CNTNAP2: variants seen among roughly 807,000 people sequenced by gnomAD.
CNTNAP2 encodes contactin associated protein 2.
In CNTNAP2, 98 loss-of-function variants were observed where a neutral mutation model predicts 155.2. That is an observed-to-expected ratio of 0.63 (90% CI 0.54 to 0.75). The LOEUF is 0.75. Ranked by LOEUF, CNTNAP2 falls within the 30% of genes least tolerant of loss-of-function variation. The pLI is 0.00. For synonymous variants in CNTNAP2, 651 were observed against 631.2 expected, an observed-to-expected ratio of 1.03 and a Z score of -0.47; for missense variants, 1,727 against 1,688.1, an observed-to-expected ratio of 1.02 and a Z score of -0.40.
intron 21 of CNTNAP2, among the ~76,000 whole-genome samples, chr7:148,368,022 G>C (rs925432466): frequency 4.6e-5 from 7 of 152,160 alleles, no homozygotes; most frequent in South Asian, 4.1e-4. Flanking sequence ...ATTTCAGATA[G>C]AGCCCCTCAT....
At chr7:147,282,387 C>T (rs997623523) in intron 8 of CNTNAP2, among the ~76,000 whole-genome samples, 2 of 151,834 alleles carry the variant, frequency 1.3e-5, no homozygotes, top group Non-Finnish European at 2.9e-5. Flanking sequence ...CATTGTGAGC[C>T]ATGGTTTGGA....
intron 1 of CNTNAP2, among the ~76,000 whole-genome samples, chr7:146,708,742 T>C (rs1401340247): frequency 6.6e-6 from 1 of 151,524 alleles, no homozygotes; most frequent in African/African-American, 2.4e-5. Flanking sequence ...ACTACAAGTG[T>C]GCACCACCAC....
At chr7:147,486,954 T>G (rs1798520970) in intron 11 of CNTNAP2, among the ~76,000 whole-genome samples, 1 of 142,664 alleles carries the variant, frequency 7.0e-6, no homozygotes, top group South Asian at 2.4e-4. Context: ...AGATTCAACC[T>G]TCTCTCAATA....
intron 3 of CNTNAP2, among the ~76,000 whole-genome samples, chr7:146,858,077 G>A (rs1795027013): frequency 6.6e-6 from 1 of 152,174 alleles, no homozygotes; most frequent in Non-Finnish European, 1.5e-5. Flanking sequence ...GTAGGAAAAG[G>A]TGCTAAGGGC....
intron 10 of CNTNAP2, among the ~76,000 whole-genome samples, chr7:147,431,864 G>A (rs897528219): frequency 7.2e-5 from 11 of 152,214 alleles, no homozygotes; most frequent in Admixed American, 1.3e-4. Context: ...AGTTCCTGAA[G>A]GCTCTGCACT....
intron 1 of CNTNAP2, among the ~76,000 whole-genome samples, chr7:146,482,510 C>T (rs968688801): frequency 7.3e-5 from 11 of 151,666 alleles, no homozygotes; most frequent in South Asian, 2.1e-4. Context: ...TTTGGGAGGC[C>T]GAGGCTGGCG....
chr7:147,185,405 A>C (rs1207762600), intron 8 of CNTNAP2, among the ~76,000 whole-genome samples: 2 of 152,138 alleles, frequency 1.3e-5, no homozygotes, highest in Non-Finnish European at 2.9e-5. Flanking sequence ...TCTTGGATGG[A>C]GGCACAGAAA....
At chr7:146,916,739 G>C (rs941028705) in intron 3 of CNTNAP2, among the ~76,000 whole-genome samples, 5 of 151,942 alleles carry the variant, frequency 3.3e-5, no homozygotes, top group African/African-American at 1.2e-4. Flanking sequence ...TAATAGTCTA[G>C]AAATTTTATT....
intron 12 of CNTNAP2, among the ~76,000 whole-genome samples, chr7:147,579,373 C>T (rs1388218836): frequency 6.6e-6 from 1 of 152,070 alleles, no homozygotes; most frequent in Non-Finnish European, 1.5e-5. Context: ...GGCATAGGTA[C>T]ACAGTGACAA....
At chr7:146,753,064 C>T (rs560804870) in intron 1 of CNTNAP2, among the ~76,000 whole-genome samples, 180 of 152,172 alleles carry the variant, frequency 1.2e-3, no homozygotes, top group African/African-American at 4.0e-3. Flanking sequence ...ATTTTCTGAC[C>T]AAAGCTTCAT....
intron 8 of CNTNAP2, among the ~76,000 whole-genome samples, chr7:147,268,996 T>G (rs182423062): frequency 1.3e-5 from 2 of 152,276 alleles, no homozygotes; most frequent in East Asian, 3.9e-4. Flanking sequence ...CCTTGGATGC[T>G]CGAGTCTCTA....
intron 14 of CNTNAP2, among the ~76,000 whole-genome samples, chr7:147,907,818 G>A (rs117918814): frequency 0.033 from 5,039 of 152,088 alleles, 131 homozygotes; most frequent in Non-Finnish European, 0.053. Flanking sequence ...GAGTCACTCT[G>A]TCAACCAGGC....
At chr7:146,230,504 C>A (rs1260978182) in intron 1 of CNTNAP2, among the ~76,000 whole-genome samples, 1 of 152,096 alleles carries the variant, frequency 6.6e-6, no homozygotes, top group Non-Finnish European at 1.5e-5. Flanking sequence ...TTAATATTTT[C>A]TTTCTTTGCA....
At chr7:146,720,449 T>C (rs1801266342) in intron 1 of CNTNAP2, among the ~76,000 whole-genome samples, 1 of 152,148 alleles carries the variant, frequency 6.6e-6, no homozygotes. Context: ...AGTGCCTACA[T>C]ACTCTGCTCA....
In CNTNAP2 at chr7:148,348,648, G is replaced by A. The variant is rs1422917109; in HGVS notation, c.3476-35001G>A. ...CAAGGCCAAAGCGGCTCAGGCACAC[G>A]TCATTCATTTGTTTGTAAGCACCGT... On this transcript the variant is annotated intron_variant, in intron 21 of 23. Transcript: ENST00000361727. Among the ~76,000 whole-genome samples, 4 of 152,142 alleles carry A rather than the reference G, an allele frequency of 2.6e-5. 1 individual carries two copies. The highest frequency in any genetic ancestry group is 2.6e-4 in the Admixed American group (4 of 15,274).
At chr7:148,374,365 C>T (rs775072792) in intron 21 of CNTNAP2, among the ~76,000 whole-genome samples, 6 of 152,140 alleles carry the variant, frequency 3.9e-5, no homozygotes, top group Non-Finnish European at 7.3e-5. Flanking sequence ...CACACTTTTC[C>T]TAGCCTACAC....
intron 4 of CNTNAP2, among the ~76,000 whole-genome samples, chr7:147,105,061 T>C (rs753695878): frequency 1.3e-5 from 2 of 151,234 alleles, no homozygotes; most frequent in Non-Finnish European, 3.0e-5. Context: ...CTGTATTGCT[T>C]AATTTCTTTT....
At chr7:147,374,501 A>C (rs969696943) in intron 9 of CNTNAP2, among the ~76,000 whole-genome samples, 1 of 152,104 alleles carries the variant, frequency 6.6e-6, no homozygotes, top group Non-Finnish European at 1.5e-5. Context: ...CTTCTGAATC[A>C]TTTATCCATA....
At chr7:146,744,848 G>A (rs186420593) in intron 1 of CNTNAP2, among the ~76,000 whole-genome samples, 1 of 152,244 alleles carries the variant, frequency 6.6e-6, no homozygotes, top group East Asian at 1.9e-4. Context: ...GTTAAGCCCT[G>A]TTATTCCTAC....
Sources: gnomAD v4.1 joint callset for allele counts (sites outside exome capture counted in the v4.1 genomes callset) on GRCh38, gnomAD v4.1.1 for gene constraint, MANE v1.5 for transcripts, NCBI Gene and HGNC (gene_info 2026-07-23, HGNC 2026-07-21) for gene names.